ARID1B: variants seen among roughly 807,000 people sequenced by gnomAD.
The protein encoded by ARID1B is AT-rich interaction domain 1B.
Under a neutral mutation model 212.3 loss-of-function variants are expected in ARID1B, and 30 were observed. That is an observed-to-expected ratio of 0.14 (90% confidence interval 0.11 to 0.19). The LOEUF is 0.19. ARID1B is among the 10% of genes least tolerant of loss of function. The pLI is 1.00. For synonymous variants in ARID1B, 1,402 were observed against 1,301.7 expected, an observed-to-expected ratio of 1.08 and a Z score of -1.66; for missense variants, 2,891 against 3,204.0, an observed-to-expected ratio of 0.90 and a Z score of 2.36.
intron 2 of ARID1B, among the ~76,000 whole-genome samples, chr6:156,851,195 C>T (rs1030814524): frequency 2.0e-5 from 3 of 152,098 alleles, no homozygotes; most frequent in Non-Finnish European, 4.4e-5. Flanking sequence ...TGTGCCAGAG[C>T]CCCCCTGCAA....
intron 4 of ARID1B, among the ~76,000 whole-genome samples, chr6:157,063,551 A>G (rs1412557689): frequency 1.3e-5 from 2 of 152,190 alleles, no homozygotes; most frequent in African/African-American, 4.8e-5. Flanking sequence ...GTTTAATTCT[A>G]TTATACCATA....
chr6:156,934,971 T>G (rs1467235324), intron 3 of ARID1B, among the ~76,000 whole-genome samples: 1 of 136,744 alleles, frequency 7.3e-6, no homozygotes, highest in South Asian at 2.4e-4. Flanking sequence ...TAGTTTATAT[T>G]TCTGCTGTTA....
intron 13 of ARID1B, 66 bp downstream of exon 13, chr6:157,184,501 A>G (rs2128326589): frequency 6.3e-7 from 1 of 1,586,354 alleles, no homozygotes; most frequent in South Asian, 1.1e-5. Context: ...AGGTTCCGGG[A>G]AGGTGGTTTC....
At chr6:156,977,142 A>G (rs1777301734) in intron 4 of ARID1B, 1 of 249,894 alleles carries the variant, frequency 4.0e-6, no homozygotes, top group Admixed American at 5.4e-5. Flanking sequence ...AAGAAATTTA[A>G]TTATGATGGG....
chr6:156,922,603 A>T (rs1790900251), intron 3 of ARID1B, among the ~76,000 whole-genome samples: 1 of 152,226 alleles, frequency 6.6e-6, no homozygotes, highest in South Asian at 2.1e-4. Context: ...GAAAAGTATT[A>T]CAATGTTGAA....
At chr6:156,788,469 A>G (rs371370501) in intron 1 of ARID1B, among the ~76,000 whole-genome samples, 16 of 152,314 alleles carry the variant, frequency 1.1e-4, no homozygotes, top group Admixed American at 5.2e-4. Flanking sequence ...GCCAACAATC[A>G]TTCCTCTGTT....
chr6:157,132,893 T>C (rs1788645728), intron 6 of ARID1B, 135 bp from the exon 7 acceptor site: 1 of 961,470 alleles, frequency 1.0e-6, no homozygotes, highest in East Asian at 2.8e-5. Flanking sequence ...GAGATGTCTT[T>C]AGCTATTTTT....
chr6:156,851,124 A>G (rs551633583), intron 2 of ARID1B, among the ~76,000 whole-genome samples: 37 of 152,200 alleles, frequency 2.4e-4, no homozygotes, highest in African/African-American at 7.0e-4. Context: ...ACATGAAGAA[A>G]ATGTCCCCAA....
In ARID1B at chr6:156,977,815, G is replaced by T. The variant is rs138290767; in HGVS notation, c.2247+42239G>T. Among the ~76,000 whole-genome samples the T allele has an allele frequency of 2.3e-3, 346 of 152,180 alleles. 1 individual carries two copies. The highest frequency in any genetic ancestry group is 7.7e-3 in the African/African-American group (318 of 41,506). On this transcript the variant is annotated intron_variant, in intron 4 of 19. Coordinates refer to ENST00000636930, the MANE Select transcript of ARID1B (RefSeq NM_001374828.1). ...TTCCTATAAACATCCTTGAACTTTA[G>T]TCTGGGACCCAGGCATATTACTTGG...
intron 4 of ARID1B, among the ~76,000 whole-genome samples, chr6:156,981,019 A>G (rs1396843314): frequency 6.6e-6 from 1 of 152,206 alleles, no homozygotes; most frequent in East Asian, 1.9e-4. Context: ...ATGGCAGGTA[A>G]GTGAAGCCAC....
rs117679993 is a variant in ARID1B at position 156,831,044 on chromosome 6, G to A, written c.1986+1623G>A. On this transcript the variant is annotated intron_variant, in intron 2 of 19. Coordinates refer to ENST00000636930, the MANE Select transcript of ARID1B (RefSeq NM_001374828.1). ...TTTCCACATTATTCCTTTTTTTCCA[G>A]CAATATTTTGCTGCCTAGAGTAGAA... Among the ~76,000 whole-genome samples the A allele has an allele frequency of 8.8e-3, 1,336 of 152,136 alleles. 8 individuals are homozygous for A. Among genetic ancestry groups the A allele is most frequent in the Non-Finnish European group, 0.015 (992 of 67,984 alleles).
intron 9 of ARID1B, chr6:157,169,616 TAATAC>T (rs1162421435): frequency 6.6e-6 from 1 of 152,238 alleles, no homozygotes; most frequent in Non-Finnish European, 1.5e-5. Flanking sequence ...CAAATCACTG[TAATAC>T]AATACATGTG....
chr6:156,778,196 T>G lies in ARID1B; in HGVS notation c.516T>G (p.His172Gln). ...ACCAGCAGCACCACCACCACCACCA[T>G]GCCCACCACCACCACCACCATGCCC... is the stretch of plus-strand genomic sequence containing the variant. ...PPHQQHHHHH[H>Q]AHHHHHHAHH... is the part of the protein sequence containing the mutation. Residue 172 changes from histidine (H) to glutamine (Q), a missense_variant, in exon 1 of 20, where the codon CAT (histidine) becomes CAG (glutamine). Around this residue, in one of 7 missense-constraint regions of ARID1B, gnomAD observed 1,643 missense variants for 1,544.0 expected, o/e 1.06. Transcript: ENST00000636930. 6.5e-7 allele frequency: 1 copy of G among 1,535,340 alleles called. No homozygotes were observed. The highest frequency in any genetic ancestry group is 8.7e-7 in the Non-Finnish European group (1 of 1,143,664).
intron 4 of ARID1B, among the ~76,000 whole-genome samples, chr6:156,977,975 G>A (rs757876570): frequency 3.3e-5 from 5 of 152,140 alleles, no homozygotes; most frequent in Non-Finnish European, 5.9e-5. Context: ...TCTCTGGCGG[G>A]TGGGAGCAGG....
chr6:157,083,544 A>G (rs983286424), intron 4 of ARID1B, among the ~76,000 whole-genome samples: 1 of 152,118 alleles, frequency 6.6e-6, no homozygotes, highest in Non-Finnish European at 1.5e-5. Context: ...CTCCTCTCTC[A>G]TCTTCCCCTT....
At chr6:156,858,836 A>T (rs1583171515) in intron 2 of ARID1B, among the ~76,000 whole-genome samples, 1 of 152,338 alleles carries the variant, frequency 6.6e-6, no homozygotes, top group East Asian at 1.9e-4. Flanking sequence ...TTACGGATTC[A>T]TAATAATTAA....
chr6:156,793,738 T>C (rs149855651), intron 1 of ARID1B, among the ~76,000 whole-genome samples: 29 of 152,326 alleles, frequency 1.9e-4, no homozygotes, highest in Non-Finnish European at 3.4e-4. Flanking sequence ...AAAACTCTTA[T>C]GGATATGCTG....
chr6:156,831,078 T>G (rs1261418420), intron 2 of ARID1B, among the ~76,000 whole-genome samples: 1 of 152,258 alleles, frequency 6.6e-6, no homozygotes, highest in Admixed American at 6.5e-5. Context: ...AAATCTTTAG[T>G]TGTGGCTGCT....
chr6:156,991,643 A>G (rs1488370322), intron 4 of ARID1B, among the ~76,000 whole-genome samples: 1 of 152,258 alleles, frequency 6.6e-6, no homozygotes, highest in African/African-American at 2.4e-5. Context: ...CTTGAACTTC[A>G]GTAAATTAAA....
Sources: gnomAD v4.1 joint callset for allele counts (sites outside exome capture counted in the v4.1 genomes callset) on GRCh38, gnomAD v4.1.1 for gene constraint, gnomAD v4.1.1 regional missense constraint, MANE v1.5 for transcripts, NCBI Gene and HGNC (gene_info 2026-07-23, HGNC 2026-07-21) for gene names.